PRR33: variants seen among roughly 807,000 people sequenced by gnomAD.
PRR33 encodes proline rich 33.
In PRR33, 1 loss-of-function variant was observed where a neutral mutation model predicts 0.5. The observed-to-expected ratio is 2.18, with a 90% CI of 0.77 to 10.34. PRR33 has a LOEUF of 10.34. PRR33 is among the 30% of genes most tolerant of loss of function. PRR33 has a pLI of 0.13. For missense variants in PRR33, 552 were observed against 251.8 expected, an observed-to-expected ratio of 2.19 and a Z score of -8.07; for synonymous variants, 226 against 110.0, an observed-to-expected ratio of 2.06 and a Z score of -6.60.
At chr11:1,905,069 CTTTTCT>C in the PRR33 span, among the ~76,000 whole-genome samples, 1 of 148,222 alleles carries the variant, frequency 6.7e-6, no homozygotes, top group Admixed American at 6.7e-5. Context: ...GTTTAATTTG[CTTTTCT>C]TTTTCTATTT....
At chr11:1,894,499 A>AG (rs1170870446), upstream of PRR33, among the ~76,000 whole-genome samples, 3 of 152,096 alleles carry the variant, frequency 2.0e-5, no homozygotes, top group African/African-American at 7.2e-5. Context: ...CACCTCCCAG[A>AG]GTGCTGGGAT....
At chr11:1,897,841 C>T in the PRR33 span, among the ~76,000 whole-genome samples, 3 of 152,090 alleles carry the variant, frequency 2.0e-5, no homozygotes, top group Non-Finnish European at 4.4e-5. This position sits in a 1 kb window ranked among gnomAD's most constrained non-coding sequence, Gnocchi z 4.0. Context: ...TTTAAAACTC[C>T]GGAGAGAATG....
chr11:1,890,209 G>T (rs17173834), exon 1 of PRR33: 73,402 of 716,780 alleles, frequency 0.1, 4,343 homozygotes, highest in African/African-American at 0.21. Context: ...TTCTGCAGGG[G>T]TGATGCCACG....
the PRR33 span, among the ~76,000 whole-genome samples, chr11:1,914,171 A>T: frequency 6.6e-6 from 1 of 152,228 alleles, no homozygotes; most frequent in Admixed American, 6.5e-5. Flanking sequence ...GTGGGGGTGC[A>T]GGCCCACGGT....
the PRR33 span, among the ~76,000 whole-genome samples, chr11:1,911,268 C>G: frequency 6.6e-6 from 1 of 151,926 alleles, no homozygotes; most frequent in African/African-American, 2.4e-5. Flanking sequence ...GTGGTGAAAC[C>G]CTGTCTCTAC....
chr11:1,914,131 G>A, the PRR33 span, among the ~76,000 whole-genome samples: 2 of 152,272 alleles, frequency 1.3e-5, no homozygotes, highest in African/African-American at 2.4e-5. Flanking sequence ...TGGGCGCAGC[G>A]TAGCTGAGAC....
the PRR33 span, among the ~76,000 whole-genome samples, chr11:1,911,701 G>A: frequency 7.2e-5 from 11 of 151,832 alleles, no homozygotes; most frequent in African/African-American, 9.7e-5. Context: ...GATTACAGGC[G>A]TGAGTCACTG....
chr11:1,890,095 G>C, exon 1 of PRR33: 1 of 716,524 alleles, frequency 1.4e-6, no homozygotes, highest in Non-Finnish European at 2.6e-6. Context: ...AAGCCACTGG[G>C]GGGCCGGGTA....
chr11:1,910,136 T>C, the PRR33 span, among the ~76,000 whole-genome samples: 1 of 152,226 alleles, frequency 6.6e-6, no homozygotes, highest in African/African-American at 2.4e-5. Context: ...TCTTGGTGAA[T>C]GTGTGGAGGT....
At chr11:1,891,062 G>C (rs1848981227) in exon 1 of PRR33, 1 of 159,748 alleles carries the variant, frequency 6.3e-6, no homozygotes, top group African/African-American at 2.4e-5. Context: ...GTTGTCGCCG[G>C]CTCAACCACA....
At chr11:1,890,204 C>T in exon 1 of PRR33, 1 of 716,790 alleles carries the variant, frequency 1.4e-6, no homozygotes. Context: ...TGGACTTCTG[C>T]AGGGGTGATG....
chr11:1,911,506 C>G, the PRR33 span, among the ~76,000 whole-genome samples: 31 of 152,122 alleles, frequency 2.0e-4, no homozygotes, highest in African/African-American at 7.5e-4. Flanking sequence ...TAGCCTCTGC[C>G]TCCCGGGTTC....
the PRR33 span, among the ~76,000 whole-genome samples, chr11:1,916,452 A>C: frequency 1.3e-5 from 2 of 152,036 alleles, no homozygotes; most frequent in Non-Finnish European, 2.9e-5. Context: ...CCAGCCACTG[A>C]GAGAGGATCC....
chr11:1,900,708 T>C, the PRR33 span, among the ~76,000 whole-genome samples: 7,248 of 152,328 alleles, frequency 0.048, 593 homozygotes, highest in African/African-American at 0.16. Context: ...AGTGACAGCA[T>C]ATACCCGGAT....
exon 1 of PRR33, chr11:1,889,168 C>A: frequency 1.5e-6 from 1 of 672,854 alleles, no homozygotes; most frequent in Non-Finnish European, 2.8e-6. Context: ...CAGCCAGTCG[C>A]TGTGCGGTTG....
At chr11:1,914,082 C>T in the PRR33 span, among the ~76,000 whole-genome samples, 3 of 152,378 alleles carry the variant, frequency 2.0e-5, no homozygotes, top group East Asian at 3.9e-4. Flanking sequence ...GGGCGTACCC[C>T]GGTTCCCACC....
In PRR33 at chr11:1,890,321, G is replaced by T. The variant is rs778066099; in HGVS notation, c.264C>A (p.His88Gln). Reference sequence around the variant, plus strand: ...CAGGAAGGCGTGGGGCTTCGGCGGGGTGCGGGCCCTCAGCAGCGTGCGGGG... The same window carrying T: ...CAGGAAGGCGTGGGGCTTCGGCGGGTTGCGGGCCCTCAGCAGCGTGCGGGG... Residue 88 changes from histidine (H) to glutamine (Q), a missense_variant, in exon 1 of 1, where the codon CAC (histidine) becomes CAA (glutamine). His to Gln is a conservative substitution (Grantham distance 24). Coordinates refer to ENST00000640310, the Ensembl canonical transcript of PRR33. 9.8e-6 allele frequency: 7 copies of T among 712,272 alleles called. No homozygotes were observed. In the East Asian group the frequency reaches 1.6e-4, roughly 16 times the overall value. 44.1% of individuals were successfully genotyped at this position (712,272 alleles called of 1,614,324 possible). A position where few individuals can be genotyped will look rare whatever the true frequency, so the allele number is the denominator to read the frequency against.
chr11:1,914,650 G>A, the PRR33 span, among the ~76,000 whole-genome samples: 1 of 140,556 alleles, frequency 7.1e-6, no homozygotes, highest in African/African-American at 2.7e-5. Context: ...TGTGTGTGTT[G>A]TGGGGTGTAC....
chr11:1,894,571 C>G (rs1211840019), upstream of PRR33, among the ~76,000 whole-genome samples: 2 of 152,124 alleles, frequency 1.3e-5, no homozygotes, highest in East Asian at 3.9e-4. Flanking sequence ...TAAATGGCAT[C>G]CTGCAGCACG....
Sources: allele counts gnomAD v4.1 joint callset (sites outside exome capture counted in the v4.1 genomes callset), GRCh38; gene constraint gnomAD v4.1.1; non-coding constraint Gnocchi (gnomAD v3.1); transcripts MANE v1.5; gene names NCBI Gene and HGNC (gene_info 2026-07-23, HGNC 2026-07-21).